Variants in GDAP2 observed in about 807,000 individuals in gnomAD.
The protein encoded by GDAP2 is ganglioside induced differentiation associated protein 2.
In GDAP2, 51 loss-of-function variants were observed where a neutral mutation model predicts 67.0. The ratio of observed to expected loss-of-function variants is 0.76; its 90% CI spans 0.61 to 0.96. The LOEUF (loss-of-function observed/expected upper bound fraction) is 0.96, where lower values mean the gene tolerates loss of function less well. Ranked by LOEUF, GDAP2 falls within the 40% of genes least tolerant of loss-of-function variation. GDAP2 has a pLI of 0.00. For missense variants in GDAP2, 547 were observed against 588.3 expected (o/e 0.93, Z 0.73); for synonymous variants, 203 against 207.3 (o/e 0.98, Z 0.18).
intron 7 of GDAP2, among the ~76,000 whole-genome samples, chr1:117,898,600 G>A (rs1649340898): frequency 6.6e-6 from 1 of 152,108 alleles, no homozygotes; most frequent in African/African-American, 2.4e-5. Flanking sequence ...AGATTCAGAA[G>A]GCCCCCATCC....
Position 117,900,406 on chromosome 1 carries a change from C to T in GDAP2, c.637-1190G>A, listed in dbSNP as rs368895473. Among the ~76,000 whole-genome samples, 102 of 152,294 alleles carry T rather than the reference C, an allele frequency of 6.7e-4. 1 individual carries two copies. The South Asian group carries it at 0.013, about 19-fold the overall frequency. ...CAGAAATCATTCACCATTCCTCCCTCTCCCACACCTGGCAATTACTAATCT... is the reference window on the plus strand; with the variant it reads ...CAGAAATCATTCACCATTCCTCCCTTTCCCACACCTGGCAATTACTAATCT... On this transcript the variant is annotated intron_variant, in intron 6 of 13. Transcript: ENST00000369443.
chr1:117,888,111 T>C (rs984192961), intron 8 of GDAP2, among the ~76,000 whole-genome samples: 3 of 152,190 alleles, frequency 2.0e-5, no homozygotes, highest in Admixed American at 1.3e-4. Flanking sequence ...AAAACATGCA[T>C]AGAGAAAGTC....
At chr1:117,913,907 G>C (rs1649954007) in intron 3 of GDAP2, among the ~76,000 whole-genome samples, 2 of 152,170 alleles carry the variant, frequency 1.3e-5, no homozygotes, top group Admixed American at 1.3e-4. Context: ...AGAGTCTCCA[G>C]AGAGTCTGCT....
chr1:117,883,828 T>C (rs573848957), intron 10 of GDAP2, among the ~76,000 whole-genome samples: 1 of 152,328 alleles, frequency 6.6e-6, no homozygotes, highest in African/African-American at 2.4e-5. Context: ...CAGTGTTTAA[T>C]AATTCTCATA....
chr1:117,887,879 A>G (rs918646878), intron 8 of GDAP2, 105 bp from the exon 9 acceptor site: 2 of 658,346 alleles, frequency 3.0e-6, no homozygotes, highest in Non-Finnish European at 5.4e-6. Flanking sequence ...ATTTTCAAGT[A>G]TATATTTCAT....
At chr1:117,901,549 T>C (rs1045253106) in intron 6 of GDAP2, among the ~76,000 whole-genome samples, 3 of 152,258 alleles carry the variant, frequency 2.0e-5, no homozygotes, top group South Asian at 2.1e-4. Context: ...CCCTTCGTAA[T>C]TATAGCCATG....
At chr1:117,893,117 T>C (rs758893578) in intron 8 of GDAP2, among the ~76,000 whole-genome samples, 7 of 152,160 alleles carry the variant, frequency 4.6e-5, no homozygotes, top group Non-Finnish European at 8.8e-5. Flanking sequence ...TTAATAAGTA[T>C]TTAATAATGA....
In GDAP2 at chr1:117,865,599, A is replaced by G. The variant is rs535181671; in HGVS notation, c.*4970T>C. ...CTTACGTTAACGAAACACATTACAA[A>G]AAAAAAAGGTATGACTGTGTATATA... On this transcript the variant is annotated 3_prime_UTR_variant, in exon 14 of 14. Coordinates refer to ENST00000369443, the MANE Select transcript of GDAP2 (RefSeq NM_017686.4). The G allele has an allele frequency of 6.6e-6, 1 of 152,272 alleles. No homozygotes were observed. Among genetic ancestry groups the G allele is most frequent in the South Asian group, 2.1e-4 (1 of 4,820 alleles). The allele number at this position is 152,272 out of a possible 1,614,324, so 9.4% of individuals were successfully genotyped here. A position where few individuals can be genotyped will look rare whatever the true frequency, so the allele number is the denominator to read the frequency against.
chr1:117,928,460 A>G (rs1452539244), intron 1 of GDAP2, among the ~76,000 whole-genome samples: 1 of 152,208 alleles, frequency 6.6e-6, no homozygotes, highest in Non-Finnish European at 1.5e-5. Flanking sequence ...GATATTAACC[A>G]TACATACCCA....
intron 10 of GDAP2, among the ~76,000 whole-genome samples, chr1:117,884,813 CGTGTGTGTGTGTGT>C (rs35296112): frequency 1.1e-4 from 16 of 147,864 alleles, no homozygotes; most frequent in African/African-American, 4.0e-4. Flanking sequence ...TTATTCCCTC[CGTGTGTGTGTGTGT>C]GTGTGTGTGT....
chr1:117,890,673 A>C (rs917393489), intron 8 of GDAP2, among the ~76,000 whole-genome samples: 3 of 152,086 alleles, frequency 2.0e-5, no homozygotes, highest in African/African-American at 7.2e-5. Context: ...TCCCACCGTT[A>C]TCTGGAATTC....
intron 6 of GDAP2, among the ~76,000 whole-genome samples, chr1:117,902,248 T>A (rs1453871759): frequency 6.6e-6 from 1 of 152,258 alleles, no homozygotes; most frequent in African/African-American, 2.4e-5. Context: ...ATGAAACATG[T>A]CTGTTCAAAA....
At chr1:117,916,572 G>A (rs1650052323) in intron 3 of GDAP2, among the ~76,000 whole-genome samples, 1 of 152,226 alleles carries the variant, frequency 6.6e-6, no homozygotes. Flanking sequence ...AGCTGGGAGA[G>A]AGGATATGGC....
intron 6 of GDAP2, among the ~76,000 whole-genome samples, chr1:117,903,152 CA>C (rs779557846): frequency 9.2e-5 from 14 of 152,120 alleles, no homozygotes; most frequent in Middle Eastern, 3.4e-3. Flanking sequence ...TTAGTTCTAA[CA>C]GTGTTTGTTT....
chr1:117,872,777 C>G (rs1051413980), intron 13 of GDAP2, among the ~76,000 whole-genome samples: 2 of 152,100 alleles, frequency 1.3e-5, no homozygotes, highest in Non-Finnish European at 2.9e-5. Context: ...AGCAAACCAC[C>G]ATGGCACATG....
In GDAP2 at chr1:117,895,787, C is replaced by T. The variant is rs559902025; in HGVS notation, c.953+1046G>A. ...CCTGGGATTGAGGAGACACAAAATA[C>T]TAGTTCTGAAAGTGACTGGAGAGTT... On this transcript the variant is annotated intron_variant, in intron 8 of 13. Transcript: ENST00000369443. 2.6e-5 allele frequency among the ~76,000 whole-genome samples: 4 copies of T among 152,248 alleles called. No homozygotes were observed. The South Asian group carries it at 8.3e-4, about 32-fold the overall frequency.
At chr1:117,894,726 T>C (rs1189087156) in intron 8 of GDAP2, among the ~76,000 whole-genome samples, 1 of 152,174 alleles carries the variant, frequency 6.6e-6, no homozygotes, top group Admixed American at 6.5e-5. Context: ...ACTGGCAAAC[T>C]GTAGTTATTC....
At chr1:117,871,831 TA>T (rs1158645724) in intron 13 of GDAP2, among the ~76,000 whole-genome samples, 1 of 152,108 alleles carries the variant, frequency 6.6e-6, no homozygotes, top group Non-Finnish European at 1.5e-5. Flanking sequence ...AACCTTTTTT[TA>T]AAATTGAAAA....
At position 117,896,842 on chromosome 1, in the gene GDAP2, T is replaced by C. The variant is rs1375852161; in HGVS notation, c.944A>G (p.His315Arg). 3.7e-6 allele frequency: 6 copies of C among 1,610,626 alleles called. No homozygotes were observed. The highest frequency in any genetic ancestry group is 5.1e-6 in the Non-Finnish European group (6 of 1,178,438). ...TGAAGGGTTGTCTTACTTTCTTTGA[T>C]GCTGCTTCTGCAGAGCTGCCTCTGA... ...QLSEAALQKQ[H>R]QRNYNRWLCQ... Residue 315 changes from histidine to arginine, a missense_variant, in exon 8 of 14, where the codon CAT becomes CGT. Transcript: ENST00000369443.
Sources: allele counts gnomAD v4.1 joint callset (sites outside exome capture counted in the v4.1 genomes callset), GRCh38; gene constraint gnomAD v4.1.1; transcripts MANE v1.5; gene names NCBI Gene and HGNC (gene_info 2026-07-23, HGNC 2026-07-21).